RADIL: variants seen among roughly 807,000 people sequenced by gnomAD.
RADIL encodes the protein ras-associating and dilute domain-containing protein.
A neutral mutation model predicts 97.6 loss-of-function variants in RADIL; 99 were observed. The ratio of observed to expected loss-of-function variants is 1.01; its 90% CI spans 0.86 to 1.20. The LOEUF is 1.20. Ranked by LOEUF, RADIL falls within the 50% of genes most tolerant of loss-of-function variation. RADIL has a pLI of 0.00. For missense variants in RADIL, 1,765 were observed against 1,498.9 expected (o/e 1.18, Z -2.93); for synonymous variants, 803 against 691.8 (o/e 1.16, Z -2.52).
intron 11 of RADIL, among the ~76,000 whole-genome samples, chr7:4,802,338 T>C: frequency 7.8e-6 from 1 of 128,532 alleles, no homozygotes; most frequent in African/African-American, 3.1e-5. Flanking sequence ...CTGGGCCCCC[T>C]CCCCGGGTAC....
chr7:4,859,770 TAGAGA>T lies in RADIL; in HGVS notation c.535+17830_535+17834del, dbSNP rs538455363. The stretch of plus-strand genomic sequence containing the variant: ...ATACTGATGTTCCCTGAGAGGCCAA[TAGAGA>T]AGATGCTGTCTGAATTTTTCTAATG... On this transcript the variant is annotated intron_variant, in intron 2 of 14. Transcript: ENST00000399583. The T allele has an allele frequency of 1.0e-3, 659 of 631,702 alleles. 6 individuals are homozygous for T. In the South Asian group the frequency reaches 0.013, roughly 12 times the overall value. 39.1% of individuals were successfully genotyped at this position (631,702 alleles called of 1,614,324 possible). A position where few individuals can be genotyped will look rare whatever the true frequency, so the allele number is the denominator to read the frequency against.
At chr7:4,862,424 T>C (rs1784037509) in intron 2 of RADIL, among the ~76,000 whole-genome samples, 1 of 152,174 alleles carries the variant, frequency 6.6e-6, no homozygotes, top group South Asian at 2.1e-4. Flanking sequence ...CATTTCGAGG[T>C]CGACATTTGT....
intron 2 of RADIL, chr7:4,861,000 G>A (rs1562454376): frequency 6.2e-7 from 1 of 1,614,160 alleles, no homozygotes; most frequent in Non-Finnish European, 8.5e-7. Context: ...AAGAATTTCC[G>A]TACAAGAGTT....
chr7:4,809,489 G>A (rs1782473609), intron 9 of RADIL: 2 of 985,262 alleles, frequency 2.0e-6, no homozygotes, highest in African/African-American at 1.7e-5. Context: ...ACGCTTGTGT[G>A]TCCAGCCCCC....
rs111587705 is a variant in RADIL, at chr7:4,814,247, T to A, written c.2139+1031A>T. 6.6e-6 allele frequency among the ~76,000 whole-genome samples: 1 copy of A among 152,252 alleles called. No individual in the cohort carries two copies. Among genetic ancestry groups the A allele is most frequent in the African/African-American group, 2.4e-5 (1 of 41,460 alleles). The stretch of plus-strand genomic sequence containing the variant: ...CTGTAGGAGAAGCAAACTAAATTCA[T>A]GTGTTCAATCTGCCACACGTAGGAT... On this transcript the variant is annotated intron_variant, in intron 9 of 14. Transcript: ENST00000399583. This position sits in a 1 kb window ranked among gnomAD's most constrained non-coding sequence, Gnocchi z 4.5.
chr7:4,815,308 C>G lies in RADIL; in HGVS notation c.2109G>C (p.Leu703=), dbSNP rs763985394. 1.9e-6 allele frequency: 3 copies of G among 1,561,130 alleles called. No homozygotes were observed. Among genetic ancestry groups the G allele is most frequent in the Non-Finnish European group, 2.6e-6 (3 of 1,153,982 alleles). Residue 703 remains leucine (L), a synonymous_variant, in exon 9 of 15, where the codon CTG becomes CTC. Coordinates refer to ENST00000399583, the MANE Select transcript of RADIL (RefSeq NM_018059.5). The surrounding 1 kb of genome is among the most constrained non-coding windows in gnomAD (Gnocchi z 8.0). The part of the protein sequence containing the change: ...FFQKLSCTLN[L]LATPRAQLIQ... ...TGAGCTGGGCCCTGGGTGTGGCCAG[C>G]AGGTTGAGGGTGCAGGAGAGCTTCT...
chr7:4,832,241 A>T lies in RADIL; in HGVS notation c.1417-63T>A, dbSNP rs181249194. On this transcript the variant is annotated intron_variant, in intron 4 of 14. Coordinates refer to ENST00000399583, the MANE Select transcript of RADIL (RefSeq NM_018059.5). ...AACAGGCTAACACAGGGACGCGTTC[A>T]AATACACGATACCATCGACAGGAAA... 7.8e-4 allele frequency: 1,169 copies of T among 1,489,376 alleles called. 9 individuals are homozygous for T. In the African/African-American group the frequency reaches 0.017, roughly 22 times the overall value. The allele number at this position is 1,489,376 out of a possible 1,614,324, so 92.3% of individuals were successfully genotyped here.
chr7:4,841,764 G>A (rs1783445343), intron 2 of RADIL, among the ~76,000 whole-genome samples: 3 of 152,178 alleles, frequency 2.0e-5, no homozygotes, highest in Admixed American at 2.0e-4. Context: ...TACACTTTCT[G>A]ACATTTTAAG....
intron 3 of RADIL, 106 bp downstream of exon 3, chr7:4,836,252 G>C: frequency 1.3e-6 from 2 of 1,487,384 alleles, no homozygotes; most frequent in Non-Finnish European, 1.8e-6. Context: ...CAGCCACAGA[G>C]CTCGCGGCCG....
chr7:4,817,314 G>C lies in RADIL; in HGVS notation c.1653C>G (p.Ala551=). ...KESLFSCTLT[A]SEEAMAVLEE... ...CCAGCACCGCCATGGCCTCCTCGCT[G>C]GCCGTCAGCGTGCAGGAGAACAGCG... Residue 551 remains alanine (A), a synonymous_variant, in exon 7 of 15, where the codon GCC becomes GCG. Coordinates refer to ENST00000399583, the MANE Select transcript of RADIL (RefSeq NM_018059.5). The surrounding 1 kb of genome is among the most constrained non-coding windows in gnomAD (Gnocchi z 8.3). 1 of 1,612,520 alleles carries C rather than the reference G, an allele frequency of 6.2e-7. No individual in the cohort carries two copies. The highest frequency in any genetic ancestry group is 1.1e-5 in the South Asian group (1 of 91,028).
At chr7:4,875,171 G>C (rs189136147) in intron 2 of RADIL, among the ~76,000 whole-genome samples, 2,964 of 135,770 alleles carry the variant, frequency 0.022, 383 homozygotes, top group African/African-American at 0.1. Context: ...CAGCCTGGGC[G>C]ACAGAGCGAG....
At position 4,854,350 on chromosome 7, in the gene RADIL, T is replaced by G. The variant is rs1583309196; in HGVS notation, c.536-17745A>C. 6.6e-6 allele frequency among the ~76,000 whole-genome samples: 1 copy of G among 152,232 alleles called. No individual in the cohort carries two copies. Among genetic ancestry groups the G allele is most frequent in the African/African-American group, 2.4e-5 (1 of 41,540 alleles). On this transcript the variant is annotated intron_variant, in intron 2 of 14. Transcript: ENST00000399583. The surrounding 1 kb of genome is among the most constrained non-coding windows in gnomAD (Gnocchi z 5.1). ...CATTAGGTGGGGTTTTCTGTTTGCT[T>G]TTGTTTCTGGGGAGGGTGGTGTTTG...
At chr7:4,826,269 G>C (rs912424583) in intron 5 of RADIL, among the ~76,000 whole-genome samples, 2 of 152,042 alleles carry the variant, frequency 1.3e-5, no homozygotes, top group Non-Finnish European at 2.9e-5. Context: ...AGACACAGTA[G>C]TGTTAAAAGC....
At chr7:4,836,246 C>A in intron 3 of RADIL, 112 bp downstream of exon 3, 1 of 1,475,458 alleles carries the variant, frequency 6.8e-7, no homozygotes, top group Non-Finnish European at 9.1e-7. Flanking sequence ...GGGCTGCAGC[C>A]ACAGAGCTCG....
Position 4,838,092 on chromosome 7 carries a change from G to A in RADIL, c.536-1487C>T, listed in dbSNP as rs569849522. The A allele has an allele frequency of 4.6e-4, 454 of 978,426 alleles. 2 individuals carry two copies. In the African/African-American group the frequency reaches 6.0e-3, roughly 13 times the overall value. 60.6% of individuals were successfully genotyped at this position (978,426 alleles called of 1,614,324 possible). ...AGGGGGCCAGGGCGTGAGGGAGGCCGCCCAGCCGCAGTGCGAGGCTGCTGG... is the reference window on the plus strand; with the variant it reads ...AGGGGGCCAGGGCGTGAGGGAGGCCACCCAGCCGCAGTGCGAGGCTGCTGG... On this transcript the variant is annotated intron_variant, in intron 2 of 14. Transcript: ENST00000399583.
Position 4,836,589 on chromosome 7 carries a change from G to A in RADIL, c.552C>T (p.Ala184=). Residue 184 remains alanine, a synonymous_variant, in exon 3 of 15, where the codon GCC becomes GCT. Transcript: ENST00000399583. ...TCGCGCGACTCCGCTGCAGCCTCCG[G>A]GCCTGGGCGTTTATCCCTGGAACAG... ...DTITAGINAQ[A]RRLQRSRAKG... is the part of the protein sequence containing the mutation. 6.2e-7 allele frequency: 1 copy of A among 1,607,434 alleles called. No individual in the cohort carries two copies. Among genetic ancestry groups the A allele is most frequent in the Non-Finnish European group, 8.5e-7 (1 of 1,179,662 alleles).
intron 5 of RADIL, among the ~76,000 whole-genome samples, chr7:4,825,494 T>G (rs1782948369): frequency 6.6e-6 from 1 of 151,962 alleles, no homozygotes; most frequent in East Asian, 1.9e-4. Context: ...CTGGAGAGGT[T>G]GTGAGTGAGA....
rs1013789690 is a variant in RADIL, at chr7:4,819,060, C to A, written c.1616-1709G>T. Among the ~76,000 whole-genome samples, 5 of 140,292 alleles carry A rather than the reference C, an allele frequency of 3.6e-5. No individual in the cohort carries two copies. The East Asian group carries it at 8.0e-4, about 23-fold the overall frequency. 92.0% of individuals were successfully genotyped at this position (140,292 alleles called of 152,430 possible). ...CCCGGCCCTGAGACTCCATTTCTCTCTCTCTCTCTCTCTTTTTTTTTTTTT... is the reference window on the plus strand; with the variant it reads ...CCCGGCCCTGAGACTCCATTTCTCTATCTCTCTCTCTCTTTTTTTTTTTTT... On this transcript the variant is annotated intron_variant, in intron 6 of 14. Coordinates refer to ENST00000399583, the MANE Select transcript of RADIL (RefSeq NM_018059.5). This position sits in a 1 kb window ranked among gnomAD's most constrained non-coding sequence, Gnocchi z 5.8.
At position 4,834,754 on chromosome 7, in the gene RADIL, C is replaced by T. The variant is rs1783246666; in HGVS notation, c.1269G>A (p.Thr423=). 4 of 1,399,674 alleles carry T rather than the reference C, an allele frequency of 2.9e-6. No individual in the cohort carries two copies. In the South Asian group the frequency reaches 5.6e-5, roughly 19 times the overall value. The allele number at this position is 1,399,674 out of a possible 1,614,324, so 86.7% of individuals were successfully genotyped here. Residue 423 remains threonine (T), a synonymous_variant, in exon 4 of 15, where the codon ACG becomes ACA. Coordinates refer to ENST00000399583, the MANE Select transcript of RADIL (RefSeq NM_018059.5). This position sits in a 1 kb window ranked among gnomAD's most constrained non-coding sequence, Gnocchi z 6.0. The part of the protein sequence containing the change: ...LEDTLLQRIM[T]LIEPGGDDHK... Reference sequence around the variant, plus strand: ...GGTCGTCGCCCCCCGGCTCGATCAACGTCATGATCCTCTGCAGCAGCGTGT... The same window carrying T: ...GGTCGTCGCCCCCCGGCTCGATCAATGTCATGATCCTCTGCAGCAGCGTGT...
Sources: allele counts gnomAD v4.1 joint callset (sites outside exome capture counted in the v4.1 genomes callset), GRCh38; gene constraint gnomAD v4.1.1; non-coding constraint Gnocchi (gnomAD v3.1); transcripts MANE v1.5; gene names NCBI Gene and HGNC (gene_info 2026-07-23, HGNC 2026-07-21).